Variants in WDR70 observed in about 807,000 individuals in gnomAD.
WDR70 encodes the protein WD repeat-containing protein 70.
WDR70 carries 53 observed loss-of-function variants against 88.6 expected under a neutral mutation model. That is an observed-to-expected ratio of 0.60 (90% confidence interval 0.48 to 0.75). WDR70 has a LOEUF of 0.75. Ranked by LOEUF, WDR70 falls within the 30% of genes least tolerant of loss-of-function variation. The probability of loss-of-function intolerance (pLI) is 0.00; values close to 1 mark genes in which losing one functional copy is unlikely to be tolerated. For synonymous variants in WDR70, 280 were observed against 270.0 expected (o/e 1.04, Z -0.36); for missense variants, 610 against 823.2 (o/e 0.74, Z 3.17).
Position 37,489,884 on chromosome 5 carries a change from C to T in WDR70, c.840+9897C>T, listed in dbSNP as rs907716478. ...TATGTATACATGTGCCATGCTGGTG[C>T]GCTGCACCCACTAACTCGTCATCTA... On this transcript the variant is annotated intron_variant, in intron 8 of 17. Coordinates refer to ENST00000265107, the MANE Select transcript of WDR70 (RefSeq NM_018034.4). 3.3e-5 allele frequency among the ~76,000 whole-genome samples: 5 copies of T among 151,950 alleles called. No individual in the cohort carries two copies. The East Asian group carries it at 5.8e-4, about 18-fold the overall frequency.
chr5:37,692,497 C>T (rs899663443), intron 10 of WDR70, among the ~76,000 whole-genome samples: 1 of 152,156 alleles, frequency 6.6e-6, no homozygotes, highest in African/African-American at 2.4e-5. Context: ...TCCAGCAGCA[C>T]ATCAAAAAGC....
At chr5:37,727,105 T>A (rs1475576439) in intron 17 of WDR70, 60 bp downstream of exon 17, 1 of 1,542,612 alleles carries the variant, frequency 6.5e-7, no homozygotes, top group East Asian at 2.4e-5. Context: ...GGGGAGAACA[T>A]AACAATGTTG....
intron 10 of WDR70, among the ~76,000 whole-genome samples, chr5:37,668,509 A>G (rs1362547097): frequency 6.6e-6 from 1 of 152,238 alleles, no homozygotes; most frequent in Non-Finnish European, 1.5e-5. Context: ...GTGATATACC[A>G]ACTGGTCTCA....
At chr5:37,419,183 C>T (rs1219777765) in intron 5 of WDR70, among the ~76,000 whole-genome samples, 1 of 151,550 alleles carries the variant, frequency 6.6e-6, no homozygotes, top group Non-Finnish European at 1.5e-5. Flanking sequence ...TGCTGTTTAA[C>T]TCATGTTTCA....
At chr5:37,541,458 T>G (rs1393648152) in intron 9 of WDR70, among the ~76,000 whole-genome samples, 1 of 152,244 alleles carries the variant, frequency 6.6e-6, no homozygotes, top group African/African-American at 2.4e-5. Context: ...CTGTGAAGTT[T>G]TACCTCCTCA....
intron 5 of WDR70, among the ~76,000 whole-genome samples, chr5:37,398,934 G>A (rs928522243): frequency 1.3e-5 from 2 of 152,170 alleles, no homozygotes; most frequent in Non-Finnish European, 1.5e-5. Context: ...TTGAGGTCAG[G>A]AGTTTGAGAC....
In WDR70 at chr5:37,379,375, G is replaced by A. The variant is rs771823178; in HGVS notation, c.8G>A (p.Arg3His). ...TGGGGTGTGCGGCCAGCCATGGAGC[G>A]CTCTGGGCCCAGCGAAGGTGGGTTT... is the stretch of plus-strand genomic sequence containing the variant. MERSGPSEVTGSD... is the reference protein window; with the variant it reads MEHSGPSEVTGSD... Residue 3 changes from arginine (R) to histidine (H), a missense_variant, in exon 1 of 18, where the codon CGC (arginine) becomes CAC (histidine). This residue lies in a region of WDR70 where 203 missense variants were observed against 228.1 expected (regional missense o/e 0.89). Transcript: ENST00000265107. 6.2e-7 allele frequency: 1 copy of A among 1,613,616 alleles called. No homozygotes were observed. The highest frequency in any genetic ancestry group is 8.5e-7 in the Non-Finnish European group (1 of 1,179,808).
In WDR70 at chr5:37,722,849, C is replaced by G; in HGVS notation, c.1518-6C>G. On this transcript the variant is annotated splice_region_variant and splice_polypyrimidine_tract_variant and intron_variant, in intron 14 of 17. Coordinates refer to ENST00000265107, the MANE Select transcript of WDR70 (RefSeq NM_018034.4). ...AAAGAAAATAATTTGCTTTTACACC[C>G]GTTAGGGGAGCAAAATTATGTGTGG... 2 of 1,613,216 alleles carry G rather than the reference C, an allele frequency of 1.2e-6. No individual in the cohort carries two copies. Among genetic ancestry groups the G allele is most frequent in the East Asian group, 4.5e-5 (2 of 44,824 alleles).
At chr5:37,499,903 T>A (rs1740353928) in intron 8 of WDR70, among the ~76,000 whole-genome samples, 1 of 152,144 alleles carries the variant, frequency 6.6e-6, no homozygotes, top group African/African-American at 2.4e-5. Context: ...TAACAAATTC[T>A]AATTTATCAA....
intron 8 of WDR70, among the ~76,000 whole-genome samples, chr5:37,485,858 ATTTTTTTTTTTTTTT>A (rs57109943): frequency 9.2e-6 from 1 of 108,284 alleles, no homozygotes; most frequent in Non-Finnish European, 1.8e-5. Context: ...TGCCTGGCTA[ATTTTTTTTTTTTTTT>A]TTTTTTTTTT....
intron 7 of WDR70, among the ~76,000 whole-genome samples, chr5:37,454,350 T>C (rs1253278062): frequency 6.6e-6 from 1 of 152,202 alleles, no homozygotes; most frequent in African/African-American, 2.4e-5. Context: ...ATTCTGAAGA[T>C]AATTGAATAG....
chr5:37,703,780 A>G (rs893632894), intron 13 of WDR70, among the ~76,000 whole-genome samples: 3 of 152,232 alleles, frequency 2.0e-5, no homozygotes, highest in Non-Finnish European at 4.4e-5. Context: ...GCTGTATATT[A>G]TTATTTACAT....
At chr5:37,646,335 C>T (rs981772370) in intron 10 of WDR70, among the ~76,000 whole-genome samples, 1 of 151,970 alleles carries the variant, frequency 6.6e-6, no homozygotes, top group Admixed American at 6.6e-5. Context: ...TGTACCATGT[C>T]TTGAAGAATT....
chr5:37,472,595 A>G (rs558008980), intron 7 of WDR70, among the ~76,000 whole-genome samples: 81 of 152,156 alleles, frequency 5.3e-4, no homozygotes, highest in African/African-American at 1.9e-3. Context: ...CCCGGGTTCA[A>G]GAAATTCTCT....
intron 1 of WDR70, 30 bp downstream of exon 1, chr5:37,379,422 G>T: frequency 1.2e-6 from 2 of 1,613,666 alleles, no homozygotes; most frequent in Non-Finnish European, 1.7e-6. Context: ...TCCGGGCGGG[G>T]TGGGCCGTGT....
chr5:37,508,263 C>A (rs1041675999), intron 8 of WDR70, among the ~76,000 whole-genome samples: 2 of 151,904 alleles, frequency 1.3e-5, no homozygotes, highest in Non-Finnish European at 2.9e-5. Context: ...CTCTATGATG[C>A]GATTAGTGCC....
intron 5 of WDR70, among the ~76,000 whole-genome samples, chr5:37,415,479 C>A (rs1293068202): frequency 1.3e-5 from 1 of 79,216 alleles, no homozygotes. Flanking sequence ...CCACCTCCCT[C>A]CCGGAAGGGG....
intron 7 of WDR70, among the ~76,000 whole-genome samples, chr5:37,472,587 C>T (rs1005386979): frequency 2.0e-5 from 3 of 151,956 alleles, no homozygotes; most frequent in Admixed American, 6.5e-5. Flanking sequence ...CTCTGCCTCC[C>T]GGGTTCAAGA....
intron 5 of WDR70, among the ~76,000 whole-genome samples, chr5:37,434,977 T>C (rs1197474942): frequency 6.6e-6 from 1 of 152,248 alleles, no homozygotes; most frequent in African/African-American, 2.4e-5. Context: ...TCAAGTGATA[T>C]GCTACCAAAA....
Sources: allele counts gnomAD v4.1 joint callset (sites outside exome capture counted in the v4.1 genomes callset), GRCh38; gene constraint gnomAD v4.1.1; regional missense constraint gnomAD v4.1.1; transcripts MANE v1.5; gene names NCBI Gene and HGNC (gene_info 2026-07-23, HGNC 2026-07-21).